CRYL1: variants seen among roughly 807,000 people sequenced by gnomAD.
CRYL1 encodes the protein lambda-crystallin homolog.
A neutral mutation model predicts 36.6 loss-of-function variants in CRYL1; 29 were observed. That is an observed-to-expected ratio of 0.79 (90% CI 0.59 to 1.08). The LOEUF (loss-of-function observed/expected upper bound fraction) is 1.08, where lower values mean the gene tolerates loss of function less well. CRYL1 is among the 50% of genes least tolerant of loss of function. The pLI, the probability that CRYL1 is intolerant of heterozygous loss-of-function variation, is 0.00. For synonymous variants in CRYL1, 152 were observed against 151.5 expected, an observed-to-expected ratio of 1.00 and a Z score of -0.02; for missense variants, 411 against 407.9, an observed-to-expected ratio of 1.01 and a Z score of -0.06.
In CRYL1 at chr13:20,432,250, G is replaced by A. The variant is rs369439890; in HGVS notation, c.485C>T (p.Pro162Leu). Reference sequence around the variant, plus strand: ...GTCCACTGTCGTAGGGGCCGTCTCCGGGTGGGGGACCAGCTCAACCAGCGG... The same window carrying A: ...GTCCACTGTCGTAGGGGCCGTCTCCAGGTGGGGGACCAGCTCAACCAGCGG... The part of the protein sequence containing the change: ...YIPLVELVPH[P>L]ETAPTTVDRT... Residue 162 changes from proline to leucine, a missense_variant, in exon 5 of 8, where the codon CCG becomes CTG. Physicochemically the swap from Pro to Leu is moderately conservative, Grantham distance 98. Coordinates refer to ENST00000298248, the MANE Select transcript of CRYL1 (RefSeq NM_015974.3). 5.1e-5 allele frequency: 82 copies of A among 1,613,484 alleles called. No individual in the cohort carries two copies. The highest frequency in any genetic ancestry group is 2.0e-4 in the East Asian group (9 of 44,858).
At chr13:20,444,621 G>GA (rs35738807) in intron 3 of CRYL1, among the ~76,000 whole-genome samples, 37,967 of 152,128 alleles carry the variant, frequency 0.25, 5,342 homozygotes, top group Non-Finnish European at 0.32. Context: ...TGCTTGACAT[G>GA]AAAAAATAAT....
At chr13:20,520,858 C>A (rs956519305) in intron 1 of CRYL1, among the ~76,000 whole-genome samples, 10 of 152,126 alleles carry the variant, frequency 6.6e-5, no homozygotes, top group African/African-American at 2.4e-4. Context: ...GTAATCCCAG[C>A]ACTTTGGGAG....
intron 3 of CRYL1, among the ~76,000 whole-genome samples, chr13:20,480,862 A>G (rs1251440841): frequency 6.6e-6 from 1 of 152,216 alleles, no homozygotes; most frequent in African/African-American, 2.4e-5. Context: ...TTCAAGTCCT[A>G]TTTGGTCACA....
intron 4 of CRYL1, among the ~76,000 whole-genome samples, chr13:20,432,879 G>T (rs2032104579): frequency 6.6e-6 from 1 of 152,148 alleles, no homozygotes; most frequent in African/African-American, 2.4e-5. Context: ...TTAGCTAGGT[G>T]TGGTGTTGTG....
intron 1 of CRYL1, among the ~76,000 whole-genome samples, chr13:20,518,933 A>T (rs2034047912): frequency 6.6e-6 from 1 of 152,192 alleles, no homozygotes; most frequent in Admixed American, 6.5e-5. Flanking sequence ...CTCTGCTGGG[A>T]AAGACTAGCA....
chr13:20,434,224 A>T (rs1214140045), intron 4 of CRYL1, among the ~76,000 whole-genome samples: 1 of 151,910 alleles, frequency 6.6e-6, no homozygotes, highest in Admixed American at 6.6e-5. Flanking sequence ...GGCCAGCTGG[A>T]CTCCCTGGGT....
chr13:20,517,960 A>G (rs1452724039), intron 1 of CRYL1, among the ~76,000 whole-genome samples: 1 of 138,092 alleles, frequency 7.2e-6, no homozygotes, highest in Non-Finnish European at 1.6e-5. Context: ...AAAAAAAGCA[A>G]TGCTAGTGAG....
At chr13:20,488,255 C>G (rs2033439658) in intron 3 of CRYL1, among the ~76,000 whole-genome samples, 1 of 152,220 alleles carries the variant, frequency 6.6e-6, no homozygotes, top group Non-Finnish European at 1.5e-5. Flanking sequence ...ATAGCACCTG[C>G]AACTACGGGT....
intron 3 of CRYL1, among the ~76,000 whole-genome samples, chr13:20,460,674 C>G (rs562933109): frequency 6.6e-6 from 1 of 151,870 alleles, no homozygotes; most frequent in Non-Finnish European, 1.5e-5. Context: ...TACAGGCGCC[C>G]GCCACTACGC....
intron 2 of CRYL1, among the ~76,000 whole-genome samples, chr13:20,496,442 T>C (rs1325692166): frequency 1.3e-5 from 2 of 152,228 alleles, no homozygotes; most frequent in Non-Finnish European, 2.9e-5. Context: ...AACAAGCTCA[T>C]AGATTTTACA....
At chr13:20,412,546 A>G (rs1252706410) in intron 6 of CRYL1, among the ~76,000 whole-genome samples, 3 of 152,176 alleles carry the variant, frequency 2.0e-5, no homozygotes, top group Non-Finnish European at 4.4e-5. Flanking sequence ...GATTTTATAC[A>G]TAGTTTTAAA....
intron 3 of CRYL1, among the ~76,000 whole-genome samples, chr13:20,450,954 C>T (rs1321717119): frequency 2.0e-5 from 3 of 151,430 alleles, no homozygotes; most frequent in African/African-American, 2.4e-5. Context: ...AGCAAACTAT[C>T]GCAAGGACAG....
At chr13:20,439,514 CAAAAA>C (rs56087130) in intron 4 of CRYL1, 74 bp downstream of exon 4, 308 of 331,314 alleles carry the variant, frequency 9.3e-4, no homozygotes, top group African/African-American at 2.8e-3. Flanking sequence ...CCCTCCCCCG[CAAAAA>C]AAAAAAAAAA....
intron 2 of CRYL1, among the ~76,000 whole-genome samples, chr13:20,497,046 G>C (rs988906419): frequency 4.6e-5 from 7 of 152,122 alleles, no homozygotes; most frequent in Non-Finnish European, 8.8e-5. Flanking sequence ...GCTCCTGAGA[G>C]ACGTGGAAAA....
intron 5 of CRYL1, among the ~76,000 whole-genome samples, chr13:20,427,835 A>C (rs531369119): frequency 1.3e-5 from 2 of 152,154 alleles, no homozygotes; most frequent in Non-Finnish European, 2.9e-5. Flanking sequence ...GAAACCAGGG[A>C]TATCACTACA....
intron 2 of CRYL1, 145 bp from the exon 3 acceptor site, chr13:20,489,641 T>G: frequency 1.1e-6 from 1 of 921,842 alleles, no homozygotes. Flanking sequence ...CTACCAAAAA[T>G]AGAAACTAGC....
chr13:20,436,143 G>A (rs552495043), intron 4 of CRYL1, among the ~76,000 whole-genome samples: 201 of 152,268 alleles, frequency 1.3e-3, no homozygotes, highest in African/African-American at 4.5e-3. Flanking sequence ...CGGGGGAGCG[G>A]GCTAACTGGT....
At chr13:20,498,261 A>AC (rs1269876348) in intron 2 of CRYL1, among the ~76,000 whole-genome samples, 1 of 151,120 alleles carries the variant, frequency 6.6e-6, no homozygotes, top group South Asian at 2.1e-4. Flanking sequence ...CACTACACAC[A>AC]CCCCATATAC....
chr13:20,456,158 G>A (rs548702584), intron 3 of CRYL1, among the ~76,000 whole-genome samples: 1 of 152,236 alleles, frequency 6.6e-6, no homozygotes, highest in East Asian at 1.9e-4. Flanking sequence ...GTGAGGCCTT[G>A]GGTTAGGCAA....
Sources: allele counts gnomAD v4.1 joint callset (sites outside exome capture counted in the v4.1 genomes callset), GRCh38; gene constraint gnomAD v4.1.1; transcripts MANE v1.5; gene names NCBI Gene and HGNC (gene_info 2026-07-23, HGNC 2026-07-21).